ST8SIA4: variants seen among roughly 807,000 people sequenced by gnomAD.
The protein encoded by ST8SIA4 is CMP-N-acetylneuraminate-poly-alpha-2,8-sialyltransferase.
ST8SIA4 carries 15 observed loss-of-function variants against 33.9 expected under a neutral mutation model. That is an observed-to-expected ratio of 0.44 (90% CI 0.30 to 0.68). The LOEUF (loss-of-function observed/expected upper bound fraction) is 0.68. Ranked by LOEUF, ST8SIA4 falls within the 30% of genes least tolerant of loss-of-function variation. ST8SIA4 has a pLI of 0.10. For missense variants in ST8SIA4, 321 were observed against 428.0 expected (o/e 0.75, Z 2.21); for synonymous variants, 171 against 151.2 (o/e 1.13, Z -0.96).
chr5:100,830,629 A>G lies in ST8SIA4; in HGVS notation c.798-18500T>C, dbSNP rs374254795. Among the ~76,000 whole-genome samples the G allele has an allele frequency of 3.3e-5, 5 of 152,308 alleles. No individual in the cohort carries two copies. In the South Asian group the frequency reaches 1.0e-3, roughly 32 times the overall value. On this transcript the variant is annotated intron_variant, in intron 4 of 4. Transcript: ENST00000231461. Reference sequence around the variant, plus strand: ...ATTTTATGTGTTATAATATTTCTGGATGGTAATATATTGTAATAACTTCAT... The same window carrying G: ...ATTTTATGTGTTATAATATTTCTGGGTGGTAATATATTGTAATAACTTCAT...
chr5:100,849,227 T>TAG (rs1269783947), intron 4 of ST8SIA4: 1 of 985,222 alleles, frequency 1.0e-6, no homozygotes, highest in African/African-American at 1.7e-5. Flanking sequence ...CAGTGATTCT[T>TAG]AGAGCCCAAA....
chr5:100,901,050 C>G (rs780126557), intron 1 of ST8SIA4, among the ~76,000 whole-genome samples: 1 of 152,242 alleles, frequency 6.6e-6, no homozygotes, highest in Non-Finnish European at 1.5e-5. Context: ...GCCTCCTCTT[C>G]CTTAACGCCT....
chr5:100,885,441 AT>A (rs1752514844), intron 3 of ST8SIA4: 1 of 939,640 alleles, frequency 1.1e-6, no homozygotes, highest in Non-Finnish European at 1.3e-6. Flanking sequence ...TTATTTAAAA[AT>A]ATTCAAAAAA....
chr5:100,829,648 A>G (rs1051644765), intron 4 of ST8SIA4, among the ~76,000 whole-genome samples: 51 of 152,128 alleles, frequency 3.4e-4, no homozygotes, highest in Non-Finnish European at 5.3e-4. Context: ...GATGGCTCAC[A>G]CCTGTAATCC....
At chr5:100,897,292 A>G (rs1441866487) in intron 1 of ST8SIA4, among the ~76,000 whole-genome samples, 1 of 152,180 alleles carries the variant, frequency 6.6e-6, no homozygotes, top group Non-Finnish European at 1.5e-5. Flanking sequence ...TGATGCTGGC[A>G]GATACCTGTA....
chr5:100,871,377 T>G (rs1359335461), intron 3 of ST8SIA4, among the ~76,000 whole-genome samples: 1 of 152,100 alleles, frequency 6.6e-6, no homozygotes, highest in Non-Finnish European at 1.5e-5. Flanking sequence ...TAGATTATCA[T>G]TAAATAATAT....
intron 1 of ST8SIA4, among the ~76,000 whole-genome samples, chr5:100,901,858 T>A (rs566625294): frequency 7.2e-4 from 110 of 152,152 alleles, no homozygotes; most frequent in South Asian, 1.9e-3. Context: ...TCTCTCTCTC[T>A]CACACACACA....
chr5:100,855,969 A>G (rs1751805825), intron 4 of ST8SIA4, 134 bp downstream of exon 4: 1 of 852,180 alleles, frequency 1.2e-6, no homozygotes, highest in Non-Finnish European at 1.8e-6. Context: ...TTGTAAATAG[A>G]GTAACCATTA....
intron 4 of ST8SIA4, among the ~76,000 whole-genome samples, chr5:100,812,415 C>T (rs1423053331): frequency 6.6e-6 from 1 of 151,806 alleles, no homozygotes; most frequent in Non-Finnish European, 1.5e-5. Flanking sequence ...TGAATAATAG[C>T]AAACATTTAT....
Position 100,837,537 on chromosome 5 carries a change from C to A in ST8SIA4, c.797+18566G>T, listed in dbSNP as rs1014176072. Among the ~76,000 whole-genome samples the A allele has an allele frequency of 2.0e-5, 3 of 151,972 alleles. No individual in the cohort carries two copies. The East Asian group carries it at 5.8e-4, about 29-fold the overall frequency. ...CAATTTACACAAGAATCTCCTTGAACCATATGTTTATTCTGATGTGCTAGA... is the reference window on the plus strand; with the variant it reads ...CAATTTACACAAGAATCTCCTTGAAACATATGTTTATTCTGATGTGCTAGA... On this transcript the variant is annotated intron_variant, in intron 4 of 4. Transcript: ENST00000231461.
chr5:100,878,454 A>G (rs969443752), intron 3 of ST8SIA4, among the ~76,000 whole-genome samples: 1 of 152,120 alleles, frequency 6.6e-6, no homozygotes, highest in Non-Finnish European at 1.5e-5. Context: ...TGGGATTACA[A>G]GCATGAGCCA....
In ST8SIA4 at chr5:100,807,478, A is replaced by G. The variant is rs940311374; in HGVS notation, c.*4369T>C. The G allele has an allele frequency of 1.3e-5, 2 of 152,552 alleles. No individual in the cohort carries two copies. Among genetic ancestry groups the G allele is most frequent in the Admixed American group, 6.5e-5 (1 of 15,274 alleles). 9.4% of individuals were successfully genotyped at this position (152,552 alleles called of 1,614,324 possible). On this transcript the variant is annotated 3_prime_UTR_variant, in exon 5 of 5. Coordinates refer to ENST00000231461, the MANE Select transcript of ST8SIA4 (RefSeq NM_005668.6). ...ACACAAAGAAACGGTTTTTATTAAA[A>G]GGTGCTACTTAAATGAGAAACACAA...
chr5:100,848,961 G>A (rs1005698378), intron 4 of ST8SIA4: 63 of 192,844 alleles, frequency 3.3e-4, no homozygotes, highest in African/African-American at 1.5e-3. Context: ...TATTTCTTCT[G>A]CTGTCAAGTA....
At chr5:100,813,895 C>T (rs2112395196) in intron 4 of ST8SIA4, among the ~76,000 whole-genome samples, 1 of 151,926 alleles carries the variant, frequency 6.6e-6, no homozygotes, top group East Asian at 1.9e-4. Context: ...ACAGTATTTC[C>T]ATTAGGCAAA....
intron 4 of ST8SIA4, among the ~76,000 whole-genome samples, chr5:100,839,603 G>A (rs1399790628): frequency 2.6e-5 from 4 of 151,784 alleles, no homozygotes; most frequent in African/African-American, 9.7e-5. Flanking sequence ...CTCTGGCCAG[G>A]AAACACAAGA....
At chr5:100,852,114 C>CTTTTTTTTTTTTTTTTT (rs773074391) in intron 4 of ST8SIA4, among the ~76,000 whole-genome samples, 1 of 83,446 alleles carries the variant, frequency 1.2e-5, no homozygotes, top group Non-Finnish European at 2.1e-5. Context: ...CTCCACTCTT[C>CTTTTTTTTTTTTTTTTT]TTTTTTTTTT....
At chr5:100,863,544 G>C (rs902751519) in intron 3 of ST8SIA4, among the ~76,000 whole-genome samples, 12 of 152,068 alleles carry the variant, frequency 7.9e-5, no homozygotes, top group African/African-American at 2.9e-4. Context: ...ATTGAAATGT[G>C]TAAATTTTTA....
chr5:100,873,274 A>C (rs1330707342), intron 3 of ST8SIA4, among the ~76,000 whole-genome samples: 1 of 152,130 alleles, frequency 6.6e-6, no homozygotes, highest in East Asian at 1.9e-4. Flanking sequence ...TAAGAAATTA[A>C]AAAGGAGTAA....
rs551971528 is a variant in ST8SIA4, at chr5:100,871,164, AT to A, written c.504-14769del. ...TTGTGAACATGTAGAAAAATAAGAT[AT>A]TTTTTTTCTGTTCCAGAAAAGTCTA... On this transcript the variant is annotated intron_variant, in intron 3 of 4. Coordinates refer to ENST00000231461, the MANE Select transcript of ST8SIA4 (RefSeq NM_005668.6). Among the ~76,000 whole-genome samples the A allele has an allele frequency of 4.3e-3, 651 of 151,830 alleles. 2 individuals are homozygous for A. The highest frequency in any genetic ancestry group is 7.4e-3 in the Non-Finnish European group (504 of 67,866).
Sources: gnomAD v4.1 joint callset for allele counts (sites outside exome capture counted in the v4.1 genomes callset) on GRCh38, gnomAD v4.1.1 for gene constraint, MANE v1.5 for transcripts, NCBI Gene and HGNC (gene_info 2026-07-23, HGNC 2026-07-21) for gene names.